BTAF1: variants seen among roughly 807,000 people sequenced by gnomAD.
BTAF1 encodes the protein B-TFIID TATA-box binding protein associated factor 1.
In BTAF1, 38 loss-of-function variants were observed where a neutral mutation model predicts 227.1. The observed-to-expected ratio is 0.17, with a 90% CI of 0.13 to 0.22. BTAF1 has a LOEUF of 0.22. BTAF1 is among the 10% of genes least tolerant of loss of function. The pLI is 1.00. For missense variants in BTAF1, 1,598 were observed against 2,204.0 expected, an observed-to-expected ratio of 0.73 and a Z score of 5.51; for synonymous variants, 742 against 751.9, an observed-to-expected ratio of 0.99 and a Z score of 0.21.
At position 91,965,816 on chromosome 10, in the gene BTAF1, AC is replaced by A. The variant is rs571844513; in HGVS notation, c.1530-820del. ...AAATTTGCTAAATATGAAAATAAAT[AC>A]AAGAAGGTAGTGTTCATACAAACCT... On this transcript the variant is annotated intron_variant, in intron 13 of 37. Coordinates refer to ENST00000265990, the MANE Select transcript of BTAF1 (RefSeq NM_003972.3). Among the ~76,000 whole-genome samples the A allele has an allele frequency of 3.2e-3, 488 of 152,312 alleles. 10 individuals are homozygous for A. The highest frequency in any genetic ancestry group is 0.012 in the African/African-American group (478 of 41,556).
chr10:91,994,700 A>C, intron 23 of BTAF1, 56 bp downstream of exon 23: 3 of 1,452,712 alleles, frequency 2.1e-6, no homozygotes, highest in Non-Finnish European at 2.9e-6. Flanking sequence ...GGTCTTATTA[A>C]AAAGTCTTAA....
chr10:91,964,601 T>G (rs977841453), intron 13 of BTAF1, among the ~76,000 whole-genome samples: 9 of 151,596 alleles, frequency 5.9e-5, no homozygotes, highest in Non-Finnish European at 1.2e-4. Flanking sequence ...CTCTGTGAAC[T>G]TTTTTTTTGT....
chr10:91,977,802 T>G (rs1333698931), intron 14 of BTAF1, among the ~76,000 whole-genome samples: 1 of 152,202 alleles, frequency 6.6e-6, no homozygotes, highest in Non-Finnish European at 1.5e-5. Flanking sequence ...TAATTTGTAT[T>G]TTCCTGGCAA....
intron 37 of BTAF1, among the ~76,000 whole-genome samples, 197 bp downstream of exon 37, chr10:92,027,497 ATGTCTTCAG>A (rs898359495): frequency 8.6e-5 from 13 of 150,902 alleles, no homozygotes; most frequent in Non-Finnish European, 1.5e-4. Flanking sequence ...TTTTTCATTG[ATGTCTTCAG>A]TGTCTTGCCA....
At position 91,992,262 on chromosome 10, in the gene BTAF1, G is replaced by C; in HGVS notation, c.2998G>C (p.Asp1000His). 3.1e-6 allele frequency: 5 copies of C among 1,612,774 alleles called. No homozygotes were observed. Among genetic ancestry groups the C allele is most frequent in the Non-Finnish European group, 4.2e-6 (5 of 1,179,820 alleles). Reference sequence around the variant, plus strand: ...CAAAGCAGTAAAAGCTCAAATAGCAGATCTTCCTGCAGGAAGTAGTGGAAA... The same window carrying C: ...CAAAGCAGTAAAAGCTCAAATAGCACATCTTCCTGCAGGAAGTAGTGGAAA... ...TPKAVKAQIA[D>H]LPAGSSGNIL... is the part of the protein sequence containing the mutation. Residue 1000 changes from aspartate to histidine, a missense_variant, in exon 21 of 38, where the codon GAT becomes CAT. Asp to His is a moderately conservative substitution (Grantham distance 81, BLOSUM62 -1). Around this residue, in one of 10 missense-constraint regions of BTAF1, gnomAD observed 425 missense variants for 491.2 expected, o/e 0.87. Coordinates refer to ENST00000265990, the MANE Select transcript of BTAF1 (RefSeq NM_003972.3).
At chr10:91,998,085 C>T (rs1166237101) in intron 25 of BTAF1, among the ~76,000 whole-genome samples, 2 of 148,842 alleles carry the variant, frequency 1.3e-5, no homozygotes, top group Admixed American at 6.7e-5. Flanking sequence ...GAGATCGTGC[C>T]ACTGCACTGT....
intron 1 of BTAF1, among the ~76,000 whole-genome samples, chr10:91,929,786 C>G (rs1442228125): frequency 6.6e-6 from 1 of 151,714 alleles, no homozygotes; most frequent in Non-Finnish European, 1.5e-5. Context: ...AAACTCTTGC[C>G]TCAAGCATTC....
chr10:91,960,170 T>C lies in BTAF1; in HGVS notation c.1263+16T>C. 6.8e-6 allele frequency: 11 copies of C among 1,608,762 alleles called. 1 individual carries two copies. The highest frequency in any genetic ancestry group is 9.3e-6 in the Non-Finnish European group (11 of 1,177,814). ...AGTCCGTCAGGTAAATATTTCAAGT[T>C]TTGAAGCTTATGTGGGAGAGTTTTT... On this transcript the variant is annotated intron_variant, in intron 11 of 37. Transcript: ENST00000265990.
intron 20 of BTAF1, among the ~76,000 whole-genome samples, chr10:91,991,838 C>CACACACACACAT (rs1554860585): frequency 8.2e-5 from 12 of 145,956 alleles, no homozygotes; most frequent in African/African-American, 2.8e-4. Context: ...TATATACACA[C>CACACACACACAT]ATATATACAC....
At chr10:91,943,793 A>G (rs547447985) in intron 4 of BTAF1, among the ~76,000 whole-genome samples, 5 of 152,282 alleles carry the variant, frequency 3.3e-5, no homozygotes, top group African/African-American at 9.6e-5. Context: ...AAAATTATAT[A>G]TATTTTGGTT....
chr10:91,989,585 A>G lies in BTAF1; in HGVS notation c.2854+5A>G, dbSNP rs757916999. On this transcript the variant is annotated splice_donor_5th_base_variant and intron_variant, in intron 20 of 37. Transcript: ENST00000265990. ...GTGGCCAGGAAAATTCTAAAGGTAT[A>G]TACCTAAACTTTTATTTGGGGTAGA... The G allele has an allele frequency of 8.5e-5, 133 of 1,571,886 alleles. No individual in the cohort carries two copies. Among genetic ancestry groups the G allele is most frequent in the Non-Finnish European group, 1.1e-4 (131 of 1,163,932 alleles).
At chr10:91,946,132 G>A (rs1845345435) in intron 4 of BTAF1, among the ~76,000 whole-genome samples, 1 of 152,132 alleles carries the variant, frequency 6.6e-6, no homozygotes, top group Non-Finnish European at 1.5e-5. Context: ...GGCAAAGGCG[G>A]GTGATCACCT....
intron 11 of BTAF1, among the ~76,000 whole-genome samples, chr10:91,960,994 A>C (rs1846471804): frequency 6.6e-6 from 1 of 152,228 alleles, no homozygotes; most frequent in Admixed American, 6.5e-5. Context: ...TATACACATA[A>C]TATTTTTGTG....
chr10:91,977,171 A>G, intron 14 of BTAF1, among the ~76,000 whole-genome samples: 1 of 152,130 alleles, frequency 6.6e-6, no homozygotes, highest in Non-Finnish European at 1.5e-5. Context: ...GGGGGTATAG[A>G]TAGTTAGAAG....
At position 91,994,640 on chromosome 10, in the gene BTAF1, C is replaced by A; in HGVS notation, c.3305C>A (p.Pro1102His). The change falls in exon 23 of 38, where the codon CCC becomes CAC. Residue 1102 changes from proline to histidine, a missense_variant. By Grantham distance (77) the Pro-to-His change is moderately conservative (BLOSUM62 -2). Transcript: ENST00000265990. ...AAASMDSELH[P>H]LLVQHLPHLY... ...GCTTCAATGGATTCTGAGCTTCATC[C>A]CTTGGTAACTAACTAATGCAAGTGT... is the stretch of plus-strand genomic sequence containing the variant. 3.1e-6 allele frequency: 5 copies of A among 1,607,666 alleles called. No individual in the cohort carries two copies. The highest frequency in any genetic ancestry group is 4.3e-6 in the Non-Finnish European group (5 of 1,174,660).
chr10:91,982,530 T>C, intron 17 of BTAF1, 57 bp from the exon 18 acceptor site: 1 of 1,519,814 alleles, frequency 6.6e-7, no homozygotes, highest in Admixed American at 2.2e-5. Flanking sequence ...TCCCGAAGTA[T>C]GGGGAAACTT....
At chr10:91,991,832 T>TATATATATATATATAC (rs1466556430) in intron 20 of BTAF1, among the ~76,000 whole-genome samples, 28 of 11,248 alleles carry the variant, frequency 2.5e-3, no homozygotes, top group African/African-American at 3.7e-3. Context: ...TATATATATA[T>TATATATATATATATAC]ACACACATAT....
chr10:91,938,307 T>A (rs539903700), intron 2 of BTAF1, among the ~76,000 whole-genome samples: 1 of 152,204 alleles, frequency 6.6e-6, no homozygotes, highest in Non-Finnish European at 1.5e-5. Context: ...TCACTTCTGC[T>A]TTTGGTGTCA....
At chr10:91,977,512 A>G (rs1431600065) in intron 14 of BTAF1, among the ~76,000 whole-genome samples, 2 of 152,188 alleles carry the variant, frequency 1.3e-5, no homozygotes, top group Non-Finnish European at 2.9e-5. Context: ...CCTGCTTCCA[A>G]GTTTTGGCAG....
Sources: gnomAD v4.1 joint callset for allele counts (sites outside exome capture counted in the v4.1 genomes callset) on GRCh38, gnomAD v4.1.1 for gene constraint, gnomAD v4.1.1 regional missense constraint, MANE v1.5 for transcripts, NCBI Gene and HGNC (gene_info 2026-07-23, HGNC 2026-07-21) for gene names.